CLTC: variants seen among roughly 807,000 people sequenced by gnomAD.
CLTC encodes clathrin heavy chain, also known as clathrin heavy chain 1.
Under a neutral mutation model 195.8 loss-of-function variants are expected in CLTC, and 16 were observed. The observed-to-expected ratio is 0.08, with a 90% CI of 0.06 to 0.12. The LOEUF is 0.12. Ranked by LOEUF, CLTC falls within the 10% of genes least tolerant of loss-of-function variation. The pLI, the probability that CLTC is intolerant of heterozygous loss-of-function variation, is 1.00. For synonymous variants in CLTC, 667 were observed against 689.4 expected (o/e 0.97, Z 0.51); for missense variants, 796 against 2,027.0 (o/e 0.39, Z 11.66).
In CLTC at chr17:59,690,696, C is replaced by A; in HGVS notation, c.4888C>A (p.Gln1630Lys). The change falls in exon 31 of 32, where the codon CAA becomes AAA. Residue 1630 changes from glutamine to lysine, a missense_variant. Gln to Lys is a moderately conservative substitution (Grantham distance 53). Around this residue, in one of 9 missense-constraint regions of CLTC, gnomAD observed 148 missense variants for 279.5 expected, o/e 0.53. Transcript: ENST00000269122. Reference sequence around the variant, plus strand: ...AGAAGAAGAACAAGCTACAGAGACACAACCCATTGTTTATGGTAATCTCTC... The same window carrying A: ...AGAAGAAGAACAAGCTACAGAGACAAAACCCATTGTTTATGGTAATCTCTC... ...RKEEEQATET[Q>K]PIVYGQPQLM... The A allele has an allele frequency of 6.2e-7, 1 of 1,612,140 alleles. No individual in the cohort carries two copies. The highest frequency in any genetic ancestry group is 8.5e-7 in the Non-Finnish European group (1 of 1,178,658).
intron 6 of CLTC, among the ~76,000 whole-genome samples, chr17:59,657,955 T>C (rs2032513772): frequency 6.6e-6 from 1 of 151,836 alleles, no homozygotes. Flanking sequence ...TCCCAGTACT[T>C]TGAGAGGCTG....
rs1236971177 is a variant in CLTC at position 59,620,049 on chromosome 17, C to T, written c.-83C>T. 3 of 1,315,624 alleles carry T rather than the reference C, an allele frequency of 2.3e-6. No individual in the cohort carries two copies. The highest frequency in any genetic ancestry group is 3.3e-6 in the Non-Finnish European group (3 of 919,006). The allele number at this position is 1,315,624 out of a possible 1,614,324, so 81.5% of individuals were successfully genotyped here. A position where few individuals can be genotyped will look rare whatever the true frequency, so the allele number is the denominator to read the frequency against. The stretch of plus-strand genomic sequence containing the variant: ...TGAGCCCAGCCTCCCCCCTCCCCTT[C>T]TCCTCCTCTCCCTTGGAGAGCCCGG... On this transcript the variant is annotated 5_prime_UTR_variant, in exon 1 of 32. Coordinates refer to ENST00000269122, the MANE Select transcript of CLTC (RefSeq NM_004859.4).
chr17:59,657,736 C>G lies in CLTC; in HGVS notation c.969+1709C>G, dbSNP rs184202061. ...TGAGCTGAGATCGCGCCACTGTACTCTAGCCTGGATGACAGAGCAAGACTC... is the reference window on the plus strand; with the variant it reads ...TGAGCTGAGATCGCGCCACTGTACTGTAGCCTGGATGACAGAGCAAGACTC... On this transcript the variant is annotated intron_variant, in intron 6 of 31. Coordinates refer to ENST00000269122, the MANE Select transcript of CLTC (RefSeq NM_004859.4). 8.9e-5 allele frequency among the ~76,000 whole-genome samples: 13 copies of G among 145,518 alleles called. No homozygotes were observed. The East Asian group carries it at 2.4e-3, about 27-fold the overall frequency.
intron 28 of CLTC, 78 bp from the exon 29 acceptor site, chr17:59,684,978 G>A: frequency 2.6e-6 from 3 of 1,150,168 alleles, no homozygotes; most frequent in Non-Finnish European, 3.6e-6. Context: ...TACCATCTAA[G>A]GGGCTCATTG....
intron 14 of CLTC, 55 bp downstream of exon 14, chr17:59,668,995 C>T: frequency 1.3e-6 from 2 of 1,511,698 alleles, no homozygotes; most frequent in Non-Finnish European, 1.8e-6. Context: ...AGCAGTTCTA[C>T]AAGGGTTTGG....
rs1390248582 is a variant in CLTC, at chr17:59,660,548, A to G, written c.1127A>G (p.Asn376Ser). The change falls in exon 7 of 32, where the codon AAT becomes AGT. Residue 376 changes from asparagine (N) to serine (S), a missense_variant. Coordinates refer to ENST00000269122, the MANE Select transcript of CLTC (RefSeq NM_004859.4). ...TTTAATGCTCTTTTTGCCCAGGGAA[A>G]TTACTCGGAGGCAGCAAAGGTGGCT... ...RKFNALFAQG[N>S]YSEAAKVAAN... 1 of 1,614,174 alleles carries G rather than the reference A, an allele frequency of 6.2e-7. No homozygotes were observed. The highest frequency in any genetic ancestry group is 8.5e-7 in the Non-Finnish European group (1 of 1,180,014).
Position 59,683,608 on chromosome 17 carries a change from G to A in CLTC, c.4192-17G>A. 1 of 1,613,744 alleles carries A rather than the reference G, an allele frequency of 6.2e-7. No homozygotes were observed. Among genetic ancestry groups the A allele is most frequent in the Non-Finnish European group, 8.5e-7 (1 of 1,179,754 alleles). On this transcript the variant is annotated splice_polypyrimidine_tract_variant and intron_variant, in intron 26 of 31. Transcript: ENST00000269122. This position sits in a 1 kb window ranked among gnomAD's most constrained non-coding sequence, Gnocchi z 6.1. ...ATTAGGAAGTAACTGACTTATGTAT[G>A]GATTTTCCCATTGTAGGTTGCCAAT...
chr17:59,649,427 T>G (rs2032275387), intron 4 of CLTC, among the ~76,000 whole-genome samples: 2 of 152,222 alleles, frequency 1.3e-5, no homozygotes, highest in African/African-American at 4.8e-5. Context: ...TTAGGCAAGA[T>G]CAGATGCCCA....
At chr17:59,688,821 T>C (rs1036627646) in intron 30 of CLTC, among the ~76,000 whole-genome samples, 10 of 152,224 alleles carry the variant, frequency 6.6e-5, no homozygotes, top group African/African-American at 2.4e-4. Flanking sequence ...AAATGTATTA[T>C]GCAGTGGTGG....
intron 16 of CLTC, among the ~76,000 whole-genome samples, chr17:59,675,319 T>C (rs915106849): frequency 1.3e-5 from 2 of 152,198 alleles, no homozygotes; most frequent in African/African-American, 4.8e-5. Flanking sequence ...CTTAACATGA[T>C]AATATGGATT....
intron 2 of CLTC, among the ~76,000 whole-genome samples, chr17:59,644,843 G>A (rs1282914373): frequency 6.6e-6 from 1 of 152,116 alleles, no homozygotes; most frequent in Non-Finnish European, 1.5e-5. Flanking sequence ...GAGCCACCAC[G>A]CCCAGCCAGC....
In CLTC at chr17:59,648,206, G is replaced by A. The variant is rs1598214480; in HGVS notation, c.520-34G>A. 6.4e-7 allele frequency: 1 copy of A among 1,566,232 alleles called. No individual in the cohort carries two copies. Among genetic ancestry groups the A allele is most frequent in the Non-Finnish European group, 8.7e-7 (1 of 1,153,662 alleles). On this transcript the variant is annotated intron_variant, in intron 3 of 31. Transcript: ENST00000269122. The surrounding 1 kb of genome is among the most constrained non-coding windows in gnomAD (Gnocchi z 4.5). Reference sequence around the variant, plus strand: ...GAATCTGAGAGTTTTTGATTTATGGGTCTTCAAACGTTATTCTCTTTGATC... The same window carrying A: ...GAATCTGAGAGTTTTTGATTTATGGATCTTCAAACGTTATTCTCTTTGATC...
At chr17:59,686,934 C>G in intron 30 of CLTC, 3 of 914,330 alleles carry the variant, frequency 3.3e-6, no homozygotes, top group South Asian at 1.0e-4. Flanking sequence ...GTTGCTGATT[C>G]TACCTTTTTA....
intron 1 of CLTC, among the ~76,000 whole-genome samples, chr17:59,632,533 C>T (rs1166932771): frequency 2.0e-5 from 3 of 152,006 alleles, no homozygotes; most frequent in African/African-American, 7.2e-5. Flanking sequence ...ACAAAACAAA[C>T]TCGGGAGGCC....
At chr17:59,642,874 T>G (rs953608916) in intron 1 of CLTC, among the ~76,000 whole-genome samples, 3 of 152,286 alleles carry the variant, frequency 2.0e-5, no homozygotes, top group Non-Finnish European at 4.4e-5. Flanking sequence ...GTAATTGAGA[T>G]AGAAGAGTGA....
In CLTC at chr17:59,685,772, C is replaced by T; in HGVS notation, c.4791C>T (p.Pro1597=). The change falls in exon 30 of 32, where the codon CCC becomes CCT. Residue 1597 remains proline (P), a synonymous_variant. Transcript: ENST00000269122. This position sits in a 1 kb window ranked among gnomAD's most constrained non-coding sequence, Gnocchi z 5.0. ...ACAATATCATGGATTTTGCCATGCC[C>T]TATTTCATCCAGGTCATGAAGGAGT... ...WRHNIMDFAM[P]YFIQVMKEYL... 6.2e-7 allele frequency: 1 copy of T among 1,613,974 alleles called. No homozygotes were observed. Among genetic ancestry groups the T allele is most frequent in the Non-Finnish European group, 8.5e-7 (1 of 1,179,928 alleles).
intron 2 of CLTC, among the ~76,000 whole-genome samples, chr17:59,646,825 T>C (rs1480011824): frequency 6.6e-6 from 1 of 152,190 alleles, no homozygotes; most frequent in East Asian, 1.9e-4. Context: ...CTCCAGCACC[T>C]CTACCTTCCC....
intron 1 of CLTC, among the ~76,000 whole-genome samples, chr17:59,640,145 C>T (rs1354481793): frequency 6.6e-6 from 1 of 152,106 alleles, no homozygotes; most frequent in Non-Finnish European, 1.5e-5. Flanking sequence ...ATAGTTTGGC[C>T]ACCCTGTTAC....
At chr17:59,653,081 C>G (rs1296227488) in intron 5 of CLTC, among the ~76,000 whole-genome samples, 1 of 152,258 alleles carries the variant, frequency 6.6e-6, no homozygotes, top group East Asian at 1.9e-4. Flanking sequence ...TGAGCCTTCA[C>G]AGAATTGAGG....
Sources: gnomAD v4.1 joint callset for allele counts (sites outside exome capture counted in the v4.1 genomes callset) on GRCh38, gnomAD v4.1.1 for gene constraint, gnomAD v4.1.1 regional missense constraint, Gnocchi (gnomAD v3.1) non-coding constraint, MANE v1.5 for transcripts, NCBI Gene and HGNC (gene_info 2026-07-23, HGNC 2026-07-21) for gene names.